Variants in LARGE1 observed in about 807,000 individuals in gnomAD.
The protein encoded by LARGE1 is xylosyl- and glucuronyltransferase LARGE1.
In LARGE1, 43 loss-of-function variants were observed where a neutral mutation model predicts 87.6. That is an observed-to-expected ratio of 0.49 (90% CI 0.38 to 0.63). LARGE1 has a LOEUF of 0.63. LARGE1 is among the 30% of genes least tolerant of loss of function. The pLI is 0.00. For synonymous variants in LARGE1, 434 were observed against 394.6 expected, an observed-to-expected ratio of 1.10 and a Z score of -1.18; for missense variants, 802 against 1,000.2, an observed-to-expected ratio of 0.80 and a Z score of 2.67.
chr22:33,088,174 A>G, the LARGE1 span, among the ~76,000 whole-genome samples: 3 of 152,120 alleles, frequency 2.0e-5, no homozygotes, highest in Non-Finnish European at 4.4e-5. Context: ...TCTGTAATCT[A>G]GGATCAATTA....
intron 1 of LARGE1, among the ~76,000 whole-genome samples, chr22:33,913,935 G>A (rs1408543611): frequency 1.3e-5 from 2 of 152,044 alleles, no homozygotes; most frequent in Admixed American, 6.5e-5. Flanking sequence ...ATATAATAAC[G>A]GAATTAGCTA....
chr22:33,245,770 G>A (rs1169400427), intron 11 of LARGE1, among the ~76,000 whole-genome samples: 6 of 152,076 alleles, frequency 3.9e-5, no homozygotes, highest in Admixed American at 6.5e-5. Flanking sequence ...TTAGCCAGGC[G>A]TGGTGGTGCA....
At chr22:33,408,027 C>T (rs1452472913) in intron 7 of LARGE1, among the ~76,000 whole-genome samples, 1 of 149,292 alleles carries the variant, frequency 6.7e-6, no homozygotes, top group Non-Finnish European at 1.5e-5. Context: ...GTCGCCCAGG[C>T]TGGAGTGCAG....
At chr22:33,825,102 A>G (rs975892575) in intron 1 of LARGE1, among the ~76,000 whole-genome samples, 1 of 152,198 alleles carries the variant, frequency 6.6e-6, no homozygotes, top group Non-Finnish European at 1.5e-5. Context: ...TGAGCAACTT[A>G]AAGACTGAGC....
intron 1 of LARGE1, among the ~76,000 whole-genome samples, chr22:33,842,456 A>T (rs974463980): frequency 6.6e-6 from 1 of 152,216 alleles, no homozygotes; most frequent in Non-Finnish European, 1.5e-5. Context: ...AATAAAACAA[A>T]GTTACTAATA....
intron 6 of LARGE1, among the ~76,000 whole-genome samples, chr22:33,534,030 T>C (rs1319400141): frequency 2.0e-5 from 3 of 152,106 alleles, no homozygotes; most frequent in Non-Finnish European, 4.4e-5. Flanking sequence ...CTCTTCATAA[T>C]GCGGATGAGT....
intron 11 of LARGE1, among the ~76,000 whole-genome samples, chr22:33,184,629 A>T (rs189261388): frequency 4.3e-4 from 66 of 152,116 alleles, no homozygotes; most frequent in Non-Finnish European, 7.4e-4. Context: ...AAAATTAATC[A>T]TGGGAATGAA....
chr22:33,116,364 GT>G, the LARGE1 span: 10,664 of 151,500 alleles, frequency 0.07, 519 homozygotes, highest in Middle Eastern at 0.17. Flanking sequence ...TTTCTTTTTT[GT>G]TTTTTTTGAG....
intron 1 of LARGE1, among the ~76,000 whole-genome samples, chr22:33,846,263 C>A (rs1213313692): frequency 6.6e-6 from 1 of 152,206 alleles, no homozygotes; most frequent in Non-Finnish European, 1.5e-5. Flanking sequence ...CAAATTAATA[C>A]TTTTATAATT....
At chr22:33,358,682 G>T (rs1228545445) in intron 9 of LARGE1, among the ~76,000 whole-genome samples, 1 of 152,048 alleles carries the variant, frequency 6.6e-6, no homozygotes, top group African/African-American at 2.4e-5. Context: ...CTAAAATTCA[G>T]CCTCTGAGTC....
intron 2 of LARGE1, among the ~76,000 whole-genome samples, chr22:33,687,201 C>G (rs240069): frequency 0.13 from 19,904 of 148,832 alleles, 1,532 homozygotes; most frequent in South Asian, 0.18. Flanking sequence ...TGCCACATTA[C>G]CCAGGCTGGT....
intron 1 of LARGE1, among the ~76,000 whole-genome samples, chr22:33,882,281 C>A (rs770620863): frequency 6.6e-6 from 1 of 152,142 alleles, no homozygotes; most frequent in Admixed American, 6.5e-5. Context: ...CCGCTCGCCT[C>A]GGCCTCCCCA....
chr22:33,588,901 T>G (rs190767754), intron 5 of LARGE1, among the ~76,000 whole-genome samples: 4 of 152,304 alleles, frequency 2.6e-5, no homozygotes, highest in Admixed American at 2.0e-4. Flanking sequence ...CCCTGAGAAT[T>G]AGCACCCTCA....
intron 11 of LARGE1, among the ~76,000 whole-genome samples, chr22:33,203,099 C>CTG (rs1450282692): frequency 2.3e-5 from 3 of 129,022 alleles, no homozygotes; most frequent in Admixed American, 8.1e-5. Context: ...CTCTCTCTCT[C>CTG]TCTGTGTGTG....
intron 8 of LARGE1, 71 bp from the exon 9 acceptor site, chr22:33,382,115 C>A: frequency 1.3e-6 from 2 of 1,597,706 alleles, no homozygotes; most frequent in Non-Finnish European, 1.7e-6. Context: ...GCTCTCAAGG[C>A]ACTGCATCCC....
At chr22:33,524,951 T>C (rs947659456) in intron 6 of LARGE1, among the ~76,000 whole-genome samples, 1 of 152,192 alleles carries the variant, frequency 6.6e-6, no homozygotes, top group Non-Finnish European at 1.5e-5. Flanking sequence ...CAGAGAATTG[T>C]CTGAAATCCA....
chr22:33,849,442 G>GA (rs956639780), intron 1 of LARGE1, among the ~76,000 whole-genome samples: 2 of 152,000 alleles, frequency 1.3e-5, no homozygotes, highest in African/African-American at 2.4e-5. Context: ...CCAGTCTACT[G>GA]AAAAAAACTC....
At chr22:33,211,180 G>T (rs1311116495) in intron 11 of LARGE1, among the ~76,000 whole-genome samples, 1 of 152,110 alleles carries the variant, frequency 6.6e-6, no homozygotes, top group Non-Finnish European at 1.5e-5. Flanking sequence ...GTAAGACAGA[G>T]AACTTAATCT....
rs545715593 is a variant in LARGE1, at chr22:33,657,646, C to T, written c.107-6978G>A. 8.0e-4 allele frequency among the ~76,000 whole-genome samples: 121 copies of T among 152,178 alleles called. 1 individual carries two copies. The highest frequency in any genetic ancestry group is 1.4e-3 in the Admixed American group (21 of 15,280). On this transcript the variant is annotated intron_variant, in intron 2 of 14. Transcript: ENST00000397394. Reference sequence around the variant, plus strand: ...ATAGATTATGGATCCTGTCCTAGAACATTGTGTGGGTCTCCTGGGCTAGTC... The same window carrying T: ...ATAGATTATGGATCCTGTCCTAGAATATTGTGTGGGTCTCCTGGGCTAGTC...
Sources: allele counts gnomAD v4.1 joint callset (sites outside exome capture counted in the v4.1 genomes callset), GRCh38; gene constraint gnomAD v4.1.1; transcripts MANE v1.5; gene names NCBI Gene and HGNC (gene_info 2026-07-23, HGNC 2026-07-21).